GBE1: variants seen among roughly 807,000 people sequenced by gnomAD.
The protein encoded by GBE1 is 1,4-alpha-glucan branching enzyme 1.
Under a neutral mutation model 88.8 loss-of-function variants are expected in GBE1, and 70 were observed. That is an observed-to-expected ratio of 0.79 (90% confidence interval 0.65 to 0.96). The LOEUF (loss-of-function observed/expected upper bound fraction) is 0.96, where lower values mean the gene tolerates loss of function less well. GBE1 is among the 40% of genes least tolerant of loss of function. The pLI, the probability that GBE1 is intolerant of heterozygous loss-of-function variation, is 0.00. For missense variants in GBE1, 872 were observed against 871.0 expected (o/e 1.00, Z -0.01); for synonymous variants, 284 against 300.1 (o/e 0.95, Z 0.56).
At chr3:81,542,828 T>G (rs533009618) in intron 12 of GBE1, among the ~76,000 whole-genome samples, 3 of 152,020 alleles carry the variant, frequency 2.0e-5, no homozygotes, top group South Asian at 2.1e-4. Context: ...AAACTGCCCA[T>G]GTACCCCATG....
intron 3 of GBE1, among the ~76,000 whole-genome samples, chr3:81,667,181 C>T (rs1406384322): frequency 6.6e-6 from 1 of 152,216 alleles, no homozygotes; most frequent in Non-Finnish European, 1.5e-5. Context: ...AACTGTATTT[C>T]TAGGTATTTT....
intron 14 of GBE1, among the ~76,000 whole-genome samples, chr3:81,532,424 CTCCATGT>C (rs1703022478): frequency 6.6e-6 from 1 of 152,024 alleles, no homozygotes. Context: ...CCCTTCTATA[CTCCATGT>C]TCAAACAGAT....
intron 7 of GBE1, among the ~76,000 whole-genome samples, chr3:81,606,321 C>T (rs939866764): frequency 8.5e-5 from 13 of 152,148 alleles, no homozygotes; most frequent in African/African-American, 2.2e-4. Flanking sequence ...TATAATGACA[C>T]GGAGGAATTG....
chr3:81,717,566 C>T (rs973487327), intron 1 of GBE1, among the ~76,000 whole-genome samples: 3 of 152,068 alleles, frequency 2.0e-5, no homozygotes, highest in Admixed American at 6.6e-5. Context: ...ATCCTCACCA[C>T]GGGAAAAACA....
At chr3:81,617,013 A>G (rs974217054) in intron 7 of GBE1, among the ~76,000 whole-genome samples, 6 of 152,090 alleles carry the variant, frequency 3.9e-5, no homozygotes, top group Admixed American at 3.9e-4. Flanking sequence ...TATAAATAGT[A>G]TATTTTTTAA....
At chr3:81,665,350 A>G (rs886777403) in intron 3 of GBE1, among the ~76,000 whole-genome samples, 4 of 151,760 alleles carry the variant, frequency 2.6e-5, no homozygotes, top group Non-Finnish European at 4.4e-5. Flanking sequence ...TGGCTAACAC[A>G]GTGAAACCCC....
intron 7 of GBE1, among the ~76,000 whole-genome samples, chr3:81,611,354 T>G (rs1559662254): frequency 6.6e-6 from 1 of 152,178 alleles, no homozygotes. Flanking sequence ...AAATTCAGGT[T>G]TGTTAATAAA....
At chr3:81,580,590 C>T (rs1442303978) in intron 11 of GBE1, among the ~76,000 whole-genome samples, 2 of 152,058 alleles carry the variant, frequency 1.3e-5, no homozygotes, top group Non-Finnish European at 2.9e-5. Context: ...CGGCTTGAGC[C>T]AAAATAGGAG....
At position 81,705,608 on chromosome 3, in the gene GBE1, T is replaced by A; in HGVS notation, c.149A>T (p.Lys50Met). The change falls in exon 2 of 16, where the codon AAG becomes ATG. Residue 50 changes from lysine to methionine, a missense_variant. Transcript: ENST00000429644. ...GTTCTTCAAAATTTGGCTAAACTGC[T>A]TATACCTTTGAAGAAGTATGAAAGA... is the stretch of plus-strand genomic sequence containing the variant. ...PYAVDFQRRY[K>M]QFSQILKNIG... 1 of 1,542,494 alleles carries A rather than the reference T, an allele frequency of 6.5e-7. No homozygotes were observed. The highest frequency in any genetic ancestry group is 8.7e-7 in the Non-Finnish European group (1 of 1,144,016).
intron 15 of GBE1, among the ~76,000 whole-genome samples, chr3:81,495,111 G>T (rs958024274): frequency 9.2e-5 from 14 of 152,144 alleles, no homozygotes; most frequent in African/African-American, 2.7e-4. Context: ...TCAGTGGGTC[G>T]GGCATAGTGG....
intron 2 of GBE1, among the ~76,000 whole-genome samples, chr3:81,696,036 GC>G (rs547075978): frequency 6.6e-6 from 1 of 151,298 alleles, no homozygotes; most frequent in Non-Finnish European, 1.5e-5. Flanking sequence ...CTTTTTTTCC[GC>G]CCCCCCAAGA....
intron 3 of GBE1, among the ~76,000 whole-genome samples, chr3:81,657,011 C>T (rs1576188077): frequency 6.6e-6 from 1 of 151,842 alleles, no homozygotes; most frequent in Non-Finnish European, 1.5e-5. Flanking sequence ...CAAAAATTAG[C>T]CAGGCGTGGT....
chr3:81,625,090 AGGGAGG>A (rs1194416499), intron 7 of GBE1, among the ~76,000 whole-genome samples: 9 of 6,318 alleles, frequency 1.4e-3, no homozygotes, highest in Non-Finnish European at 1.8e-3. Context: ...TTATGTTATG[AGGGAGG>A]GGGAGGGGGA....
intron 1 of GBE1, among the ~76,000 whole-genome samples, chr3:81,713,216 G>T (rs2107179381): frequency 6.6e-6 from 1 of 152,340 alleles, no homozygotes; most frequent in Non-Finnish European, 1.5e-5. Context: ...TGGAAGAAGA[G>T]ATTAGGAGAA....
At chr3:81,699,325 T>G (rs1317719804) in intron 2 of GBE1, among the ~76,000 whole-genome samples, 1 of 152,140 alleles carries the variant, frequency 6.6e-6, no homozygotes, top group Admixed American at 6.5e-5. Flanking sequence ...GCCAAAACAA[T>G]TCTCTTCCCA....
chr3:81,613,047 GA>G, intron 7 of GBE1: 1 of 658,502 alleles, frequency 1.5e-6, no homozygotes, highest in Non-Finnish European at 2.3e-6. Flanking sequence ...TGAAGGGGAG[GA>G]AAGAGAGGAG....
intron 7 of GBE1, among the ~76,000 whole-genome samples, chr3:81,597,014 G>A (rs923444747): frequency 3.3e-5 from 5 of 151,888 alleles, no homozygotes; most frequent in Admixed American, 3.3e-4. Flanking sequence ...GAGAGAAAGA[G>A]GAGTTATGAA....
chr3:81,605,305 A>C (rs1704089360), intron 7 of GBE1, among the ~76,000 whole-genome samples: 1 of 152,154 alleles, frequency 6.6e-6, no homozygotes, highest in Non-Finnish European at 1.5e-5. Flanking sequence ...TATAACCAAA[A>C]ACTTTTACAT....
intron 14 of GBE1, among the ~76,000 whole-genome samples, chr3:81,499,938 A>T (rs1420613761): frequency 6.6e-6 from 1 of 152,178 alleles, no homozygotes; most frequent in Non-Finnish European, 1.5e-5. Flanking sequence ...GTACCTTAGA[A>T]ATCTTGTTTC....
Sources: allele counts gnomAD v4.1 joint callset (sites outside exome capture counted in the v4.1 genomes callset), GRCh38; gene constraint gnomAD v4.1.1; transcripts MANE v1.5; gene names NCBI Gene and HGNC (gene_info 2026-07-23, HGNC 2026-07-21).